The following TNS3 variants were observed in gnomAD, a reference collection of about 807,000 sequenced individuals.
TNS3 encodes tensin 3.
Under a neutral mutation model 140.9 loss-of-function variants are expected in TNS3, and 45 were observed. That is an observed-to-expected ratio of 0.32 (90% CI 0.25 to 0.41). The LOEUF (loss-of-function observed/expected upper bound fraction) is 0.41. Ranked by LOEUF, TNS3 falls within the 10% of genes least tolerant of loss-of-function variation. TNS3 has a pLI of 1.00. For synonymous variants in TNS3, 815 were observed against 788.4 expected, an observed-to-expected ratio of 1.03 and a Z score of -0.56; for missense variants, 1,716 against 1,906.7, an observed-to-expected ratio of 0.90 and a Z score of 1.86.
chr7:47,479,998 G>A (rs991200187), intron 4 of TNS3, among the ~76,000 whole-genome samples: 1 of 152,246 alleles, frequency 6.6e-6, no homozygotes, highest in Non-Finnish European at 1.5e-5. Context: ...CAGGGGGCAA[G>A]GGCAAGGCCC....
intron 1 of TNS3, among the ~76,000 whole-genome samples, chr7:47,532,091 C>T (rs930453554): frequency 3.3e-5 from 5 of 151,666 alleles, no homozygotes; most frequent in East Asian, 1.9e-4. Context: ...TCCCTGCTGG[C>T]TCAGGAGTGT....
In TNS3 at chr7:47,389,103, CGGA is replaced by C. The variant is rs1439176519; in HGVS notation, c.1024+7694_1024+7696del. 2.9e-3 allele frequency among the ~76,000 whole-genome samples: 48 copies of C among 16,470 alleles called. 13 individuals carry two copies. Among genetic ancestry groups the C allele is most frequent in the East Asian group, 0.012 (6 of 502 alleles). The allele number at this position is 16,470 out of a possible 152,430, so 10.8% of individuals were successfully genotyped here. A position where few individuals can be genotyped will look rare whatever the true frequency, so the allele number is the denominator to read the frequency against. ...GAAGAAGAGGAAGAGGAAGAGGAAG[CGGA>C]AGCAGAAGAAGAAGAAGAAGAAGAA... On this transcript the variant is annotated intron_variant, in intron 16 of 30. Transcript: ENST00000311160.
At position 47,407,462 on chromosome 7, in the gene TNS3, G is replaced by A. The variant is rs745550454; in HGVS notation, c.723+4265C>T. Among the ~76,000 whole-genome samples the A allele has an allele frequency of 1.3e-5, 2 of 152,228 alleles. No individual in the cohort carries two copies. Among genetic ancestry groups the A allele is most frequent in the Non-Finnish European group, 1.5e-5 (1 of 68,042 alleles). The stretch of plus-strand genomic sequence containing the variant: ...CCGCATCTTCTCATGCAGGCCGCAC[G>A]CTGAACGTGCTCAGGATAAAGGCTG... On this transcript the variant is annotated intron_variant, in intron 13 of 30. Coordinates refer to ENST00000311160, the MANE Select transcript of TNS3 (RefSeq NM_022748.12). The surrounding 1 kb of genome is among the most constrained non-coding windows in gnomAD (Gnocchi z 4.1).
intron 28 of TNS3, 34 bp downstream of exon 28, chr7:47,283,663 G>C: frequency 6.6e-7 from 1 of 1,509,322 alleles, no homozygotes; most frequent in Non-Finnish European, 8.9e-7. Flanking sequence ...CCCCGCCCCT[G>C]CTGGACGGCT....
At position 47,563,094 on chromosome 7, in the gene TNS3, C is replaced by T. The variant is rs182984040; in HGVS notation, c.-265+18957G>A. ...GCTAGGCAAAACTCCCTGGGCATCCCCGGGCCAGGCCCTCTGCCTGGGCAC... is the reference window on the plus strand; with the variant it reads ...GCTAGGCAAAACTCCCTGGGCATCCTCGGGCCAGGCCCTCTGCCTGGGCAC... On this transcript the variant is annotated intron_variant, in intron 1 of 30. Transcript: ENST00000311160. Among the ~76,000 whole-genome samples the T allele has an allele frequency of 2.2e-3, 341 of 152,298 alleles. 2 individuals are homozygous for T. Among genetic ancestry groups the T allele is most frequent in the African/African-American group, 7.9e-3 (329 of 41,578 alleles).
chr7:47,487,551 G>A (rs757860150), intron 3 of TNS3, among the ~76,000 whole-genome samples: 4 of 152,060 alleles, frequency 2.6e-5, no homozygotes, highest in African/African-American at 7.2e-5. Context: ...TGAAACGGGC[G>A]TTCCACAAAT....
chr7:47,340,576 C>CTTTTTTTTCTTTTT (rs1554297311), intron 20 of TNS3, among the ~76,000 whole-genome samples: 32 of 130,212 alleles, frequency 2.5e-4, no homozygotes, highest in Non-Finnish European at 3.4e-4. Flanking sequence ...CTGGGATTTT[C>CTTTTTTTTCTTTTT]TTTTTTTTCT....
chr7:47,458,474 T>G lies in TNS3; in HGVS notation c.-75-16419A>C, dbSNP rs537586862. On this transcript the variant is annotated intron_variant, in intron 4 of 30. Coordinates refer to ENST00000311160, the MANE Select transcript of TNS3 (RefSeq NM_022748.12). ...GCCCCAACCTTTTTTCTCCCTCATTTCTATCCCAGAGAGATTAGATGTCCT... is the reference window on the plus strand; with the variant it reads ...GCCCCAACCTTTTTTCTCCCTCATTGCTATCCCAGAGAGATTAGATGTCCT... Among the ~76,000 whole-genome samples the G allele has an allele frequency of 6.6e-5, 10 of 152,360 alleles. No homozygotes were observed. The South Asian group carries it at 2.1e-3, about 32-fold the overall frequency.
chr7:47,518,907 C>A (rs990804057), intron 2 of TNS3, among the ~76,000 whole-genome samples: 7 of 152,190 alleles, frequency 4.6e-5, no homozygotes, highest in African/African-American at 1.7e-4. Flanking sequence ...AACCTTTGAG[C>A]CTCTCAGAAA....
intron 17 of TNS3, among the ~76,000 whole-genome samples, chr7:47,360,902 A>G (rs991635936): frequency 7.2e-5 from 11 of 152,128 alleles, no homozygotes; most frequent in Admixed American, 6.5e-4. Context: ...AGAAAGTACC[A>G]TGGATCCCCT....
intron 20 of TNS3, among the ~76,000 whole-genome samples, chr7:47,310,235 C>A (rs1040435754): frequency 6.6e-6 from 1 of 152,116 alleles, no homozygotes; most frequent in Non-Finnish European, 1.5e-5. Flanking sequence ...GGGCCCAATG[C>A]CCAGTAAACA....
intron 16 of TNS3, among the ~76,000 whole-genome samples, chr7:47,379,621 G>A (rs769420649): frequency 3.3e-5 from 5 of 152,022 alleles, no homozygotes; most frequent in Admixed American, 1.3e-4. Flanking sequence ...AATAAAAGAC[G>A]GTAATAAACT....
At chr7:47,419,671 A>G (rs1427182640) in intron 10 of TNS3, among the ~76,000 whole-genome samples, 3 of 152,200 alleles carry the variant, frequency 2.0e-5, no homozygotes, top group Non-Finnish European at 2.9e-5. Context: ...AACTTCCTCA[A>G]TTACTGCTAG....
intron 1 of TNS3, among the ~76,000 whole-genome samples, chr7:47,548,061 C>T (rs1015640514): frequency 5.3e-5 from 8 of 152,140 alleles, no homozygotes; most frequent in Non-Finnish European, 8.8e-5. Flanking sequence ...CCATCACACC[C>T]GGCTAATTTT....
Position 47,275,446 on chromosome 7 carries a change from G to A in TNS3, c.*2630C>T. 5.4e-6 allele frequency: 1 copy of A among 186,718 alleles called. No homozygotes were observed. The highest frequency in any genetic ancestry group is 1.1e-5 in the Non-Finnish European group (1 of 88,840). 11.6% of individuals were successfully genotyped at this position (186,718 alleles called of 1,614,324 possible). ...GGACCCTGGCTATAACATGCGTTGGGCACAGTTCGTGAACTCTCCGCATTT... is the reference window on the plus strand; with the variant it reads ...GGACCCTGGCTATAACATGCGTTGGACACAGTTCGTGAACTCTCCGCATTT... On this transcript the variant is annotated 3_prime_UTR_variant, in exon 31 of 31. Coordinates refer to ENST00000311160, the MANE Select transcript of TNS3 (RefSeq NM_022748.12).
At chr7:47,358,804 G>A (rs1369177750) in intron 17 of TNS3, among the ~76,000 whole-genome samples, 3 of 152,172 alleles carry the variant, frequency 2.0e-5, no homozygotes, top group Non-Finnish European at 4.4e-5. Context: ...CCTGACAGAG[G>A]GAGAGAATTC....
Position 47,439,674 on chromosome 7 carries a change from G to A in TNS3, c.-22-16C>T, listed in dbSNP as rs768583021. 6.2e-7 allele frequency: 1 copy of A among 1,612,522 alleles called. No individual in the cohort carries two copies. Among genetic ancestry groups the A allele is most frequent in the East Asian group, 2.2e-5 (1 of 44,812 alleles). On this transcript the variant is annotated splice_polypyrimidine_tract_variant and intron_variant, in intron 5 of 30. Coordinates refer to ENST00000311160, the MANE Select transcript of TNS3 (RefSeq NM_022748.12). Reference sequence around the variant, plus strand: ...GATGACGGGCCTGCGAGAGAGCAGTGGGCAGATCAGAAACAGGGTAAGGAG... The same window carrying A: ...GATGACGGGCCTGCGAGAGAGCAGTAGGCAGATCAGAAACAGGGTAAGGAG...
intron 3 of TNS3, among the ~76,000 whole-genome samples, chr7:47,492,409 C>T (rs899303511): frequency 2.0e-5 from 3 of 152,246 alleles, no homozygotes; most frequent in Admixed American, 1.3e-4. Flanking sequence ...CACCTGATCT[C>T]TTCTTATCCT....
Position 47,303,500 on chromosome 7 carries a change from A to G in TNS3, c.2907T>C (p.Ser969=). Residue 969 remains serine (S), a synonymous_variant, in exon 22 of 31, where the codon AGT becomes AGC. Transcript: ENST00000311160. The part of the protein sequence containing the change: ...SLLGSGRPTG[S]PLSAEFSGTR... ...TACCGGAGAACTCAGCGCTGAGGGG[A>G]CTTCCGGTGGGCCGGCCGCTCCCCA... The G allele has an allele frequency of 6.2e-7, 1 of 1,609,638 alleles. No individual in the cohort carries two copies. Among genetic ancestry groups the G allele is most frequent in the Non-Finnish European group, 8.5e-7 (1 of 1,179,804 alleles).
Sources: gnomAD v4.1 joint callset for allele counts (sites outside exome capture counted in the v4.1 genomes callset) on GRCh38, gnomAD v4.1.1 for gene constraint, Gnocchi (gnomAD v3.1) non-coding constraint, MANE v1.5 for transcripts, NCBI Gene and HGNC (gene_info 2026-07-23, HGNC 2026-07-21) for gene names.